The following CCDC91 variants were observed in gnomAD, a reference collection of about 807,000 sequenced individuals.
CCDC91 encodes the protein coiled-coil domain containing 91.
In CCDC91, 48 loss-of-function variants were observed where a neutral mutation model predicts 63.2. That is an observed-to-expected ratio of 0.76 (90% confidence interval 0.60 to 0.97). CCDC91 has a LOEUF of 0.97. Ranked by LOEUF, CCDC91 falls within the 50% of genes least tolerant of loss-of-function variation. The pLI is 0.00. For synonymous variants in CCDC91, 167 were observed against 165.8 expected (o/e 1.01, Z -0.06); for missense variants, 500 against 494.6 (o/e 1.01, Z -0.10).
At chr12:28,345,844 A>G (rs10843156) in intron 6 of CCDC91, among the ~76,000 whole-genome samples, 137,298 of 152,122 alleles carry the variant, frequency 0.9, 63,491 homozygotes, top group East Asian at 1. Flanking sequence ...CAATATAGTT[A>G]TATCATAAAT....
intron 11 of CCDC91, among the ~76,000 whole-genome samples, chr12:28,456,039 A>G (rs1481539306): frequency 6.6e-6 from 1 of 152,170 alleles, no homozygotes; most frequent in Non-Finnish European, 1.5e-5. Context: ...TTCTCATCTT[A>G]GTATAAAGTA....
intron 3 of CCDC91, among the ~76,000 whole-genome samples, chr12:28,274,824 C>G (rs900569415): frequency 6.6e-6 from 1 of 151,876 alleles, no homozygotes; most frequent in African/African-American, 2.4e-5. Flanking sequence ...CTAATTGAAT[C>G]CCCTTTATTT....
chr12:28,402,520 A>ATTTTTTTTTTTTTTTTTTTTTTTT (rs57398967), intron 8 of CCDC91, among the ~76,000 whole-genome samples: 1 of 51,938 alleles, frequency 1.9e-5, no homozygotes, highest in Non-Finnish European at 3.4e-5. Flanking sequence ...AGTTCCAGGA[A>ATTTTTTTTTTTTTTTTTTTTTTTT]TTTTTTTTTT....
Position 28,492,427 on chromosome 12 carries a change from A to G in CCDC91, c.1215+8262A>G, listed in dbSNP as rs572782046. Among the ~76,000 whole-genome samples, 189 of 151,774 alleles carry G rather than the reference A, an allele frequency of 1.2e-3. 1 individual carries two copies. Among genetic ancestry groups the G allele is most frequent in the Middle Eastern group, 0.01 (3 of 294 alleles). ...ATCTATAATCACTTGCATGTTTATT[A>G]TTCTTTTGTAAACCAGAAAATCAGA... On this transcript the variant is annotated intron_variant, in intron 12 of 12. Transcript: ENST00000536442.
chr12:28,209,051 C>T (rs1206851540), intron 1 of CCDC91, among the ~76,000 whole-genome samples: 3 of 152,034 alleles, frequency 2.0e-5, no homozygotes, highest in Non-Finnish European at 4.4e-5. Context: ...CATGATCTGC[C>T]TGCCTCAGCC....
chr12:28,216,658 C>A (rs1283508829), intron 1 of CCDC91, among the ~76,000 whole-genome samples: 1 of 142,350 alleles, frequency 7.0e-6, no homozygotes, highest in African/African-American at 2.4e-5. Context: ...ATTTTTTATT[C>A]ATTCTTAAAA....
At chr12:28,217,083 A>T (rs1943609926) in intron 1 of CCDC91, among the ~76,000 whole-genome samples, 1 of 152,126 alleles carries the variant, frequency 6.6e-6, no homozygotes, top group Non-Finnish European at 1.5e-5. Context: ...CATAGTGTAC[A>T]CATCTTCCCT....
chr12:28,394,378 A>G (rs1946148511), intron 8 of CCDC91, among the ~76,000 whole-genome samples: 2 of 152,074 alleles, frequency 1.3e-5, no homozygotes, highest in South Asian at 2.1e-4. Flanking sequence ...AGGCAGGAGA[A>G]TGGCGTGAAC....
In CCDC91 at chr12:28,462,052, GT is replaced by G. The variant is rs546337070; in HGVS notation, c.1101+9410del. 9.6e-3 allele frequency among the ~76,000 whole-genome samples: 1,412 copies of G among 146,402 alleles called. 3 individuals are homozygous for G. The highest frequency in any genetic ancestry group is 0.014 in the Non-Finnish European group (940 of 65,916). ...CAACGAATTCATAAGGATGCTGCAAGTTTTTTTTTTTTAATCAGAAGGTAAT... is the reference window on the plus strand; with the variant it reads ...CAACGAATTCATAAGGATGCTGCAAGTTTTTTTTTTTAATCAGAAGGTAAT... On this transcript the variant is annotated intron_variant, in intron 11 of 12. Coordinates refer to ENST00000536442, the MANE Select transcript of CCDC91 (RefSeq NM_018318.5).
chr12:28,264,432 A>T (rs991265569), intron 3 of CCDC91, among the ~76,000 whole-genome samples: 1 of 150,930 alleles, frequency 6.6e-6, no homozygotes, highest in Non-Finnish European at 1.5e-5. Flanking sequence ...TCTTTTATAA[A>T]TGTTCATAAG....
At chr12:28,273,017 G>A (rs1947893603) in intron 3 of CCDC91, among the ~76,000 whole-genome samples, 1 of 130,586 alleles carries the variant, frequency 7.7e-6, no homozygotes, top group South Asian at 2.4e-4. Flanking sequence ...AGGCCCCTGT[G>A]TGTGATGTTC....
chr12:28,482,365 A>C (rs1951494077), intron 11 of CCDC91, among the ~76,000 whole-genome samples: 1 of 151,918 alleles, frequency 6.6e-6, no homozygotes, highest in African/African-American at 2.4e-5. Context: ...TTTGTACTCT[A>C]TCAATGGAAC....
chr12:28,334,562 C>CA (rs1941777697), intron 6 of CCDC91, among the ~76,000 whole-genome samples: 1 of 152,112 alleles, frequency 6.6e-6, no homozygotes, highest in African/African-American at 2.4e-5. Context: ...CAAAGAAGGG[C>CA]AGGTGGCTTG....
At chr12:28,198,825 AT>A (rs1263857234) in intron 1 of CCDC91, 1 of 100,258 alleles carries the variant, frequency 1.0e-5, no homozygotes, top group African/African-American at 3.5e-5. Context: ...ATATCAAGTA[AT>A]TTTTTTCATT....
chr12:28,441,362 T>C (rs940058992), intron 8 of CCDC91, among the ~76,000 whole-genome samples: 2 of 151,940 alleles, frequency 1.3e-5, no homozygotes, highest in Non-Finnish European at 2.9e-5. Context: ...TCCTACTAAG[T>C]ATGCAAAAGA....
chr12:28,320,656 G>A (rs1940398281), intron 6 of CCDC91, among the ~76,000 whole-genome samples: 1 of 151,796 alleles, frequency 6.6e-6, no homozygotes, highest in Non-Finnish European at 1.5e-5. Context: ...TTATTTTGCA[G>A]GTAAGTAAGT....
Position 28,379,031 on chromosome 12 carries a change from C to A in CCDC91, c.655-12273C>A, listed in dbSNP as rs560040066. On this transcript the variant is annotated intron_variant, in intron 7 of 12. Transcript: ENST00000536442. Reference sequence around the variant, plus strand: ...GCCTCATTCTAATATAGATTTAAAGCTTGCCTTTATACTGTGACTGGTCCA... The same window carrying A: ...GCCTCATTCTAATATAGATTTAAAGATTGCCTTTATACTGTGACTGGTCCA... 2.0e-5 allele frequency among the ~76,000 whole-genome samples: 3 copies of A among 152,140 alleles called. No individual in the cohort carries two copies. The South Asian group carries it at 6.2e-4, about 32-fold the overall frequency.
chr12:28,373,490 G>T (rs1180168896), intron 7 of CCDC91, among the ~76,000 whole-genome samples: 8 of 152,066 alleles, frequency 5.3e-5, no homozygotes, highest in African/African-American at 1.9e-4. Context: ...TTTAGGTGTA[G>T]TCATTTTTGT....
At chr12:28,198,779 T>C (rs1941975314) in intron 1 of CCDC91, among the ~76,000 whole-genome samples, 1 of 152,136 alleles carries the variant, frequency 6.6e-6, no homozygotes, top group South Asian at 2.1e-4. Context: ...ATGCTTAAGG[T>C]AGTATTTATG....
Sources: gnomAD v4.1 joint callset for allele counts (sites outside exome capture counted in the v4.1 genomes callset) on GRCh38, gnomAD v4.1.1 for gene constraint, MANE v1.5 for transcripts, NCBI Gene and HGNC (gene_info 2026-07-23, HGNC 2026-07-21) for gene names.